The following ALK variants were observed in gnomAD, a reference collection of about 807,000 sequenced individuals.
ALK encodes ALK tyrosine kinase receptor.
Under a neutral mutation model 163.1 loss-of-function variants are expected in ALK, and 74 were observed. The ratio of observed to expected loss-of-function variants is 0.45; its 90% CI spans 0.38 to 0.55. The LOEUF is 0.55. ALK is among the 20% of genes least tolerant of loss of function. The pLI is 0.00. For synonymous variants in ALK, 960 were observed against 843.2 expected (o/e 1.14, Z -2.40); for missense variants, 2,063 against 2,105.3 (o/e 0.98, Z 0.39).
intron 1 of ALK, among the ~76,000 whole-genome samples, chr2:29,817,028 C>T (rs1470896896): frequency 6.6e-6 from 1 of 152,026 alleles, no homozygotes; most frequent in Non-Finnish European, 1.5e-5. Context: ...CACAACAACC[C>T]TAGGAGGTAG....
At chr2:29,196,279 TTGA>T in intron 28 of ALK, among the ~76,000 whole-genome samples, 1 of 152,372 alleles carries the variant, frequency 6.6e-6, no homozygotes, top group Non-Finnish European at 1.5e-5. Flanking sequence ...GCAAGTATTA[TTGA>T]TGATGTTAAA....
rs192439704 is a variant in ALK at position 29,786,997 on chromosome 2, A to G, written c.668-69300T>C. ...TTTTTAGTAAAGACAGGGTTTCACCATGTTAGCCAGGATGGTCTCGATCTC... is the reference window on the plus strand; with the variant it reads ...TTTTTAGTAAAGACAGGGTTTCACCGTGTTAGCCAGGATGGTCTCGATCTC... On this transcript the variant is annotated intron_variant, in intron 1 of 28. Transcript: ENST00000389048. Among the ~76,000 whole-genome samples, 141 of 152,234 alleles carry G rather than the reference A, an allele frequency of 9.3e-4. No homozygotes were observed. The Middle Eastern group carries it at 0.027, about 29-fold the overall frequency.
chr2:29,328,680 C>G (rs948941108), intron 5 of ALK, among the ~76,000 whole-genome samples, 199 bp from the exon 6 acceptor site: 1 of 152,220 alleles, frequency 6.6e-6, no homozygotes, highest in Non-Finnish European at 1.5e-5. Context: ...GGGGTCAAAA[C>G]CCCTCACGCT....
chr2:29,466,441 A>C (rs1406355227), intron 4 of ALK, among the ~76,000 whole-genome samples: 1 of 152,182 alleles, frequency 6.6e-6, no homozygotes, highest in African/African-American at 2.4e-5. Flanking sequence ...TATGCACAAT[A>C]ATTTTCAAAC....
chr2:29,692,564 T>A (rs1320605900), intron 3 of ALK, among the ~76,000 whole-genome samples: 1 of 152,238 alleles, frequency 6.6e-6, no homozygotes, highest in Non-Finnish European at 1.5e-5. Context: ...CACAATACGA[T>A]TCACGTTTTT....
At chr2:29,580,126 T>C (rs548817191) in intron 3 of ALK, among the ~76,000 whole-genome samples, 481 of 152,272 alleles carry the variant, frequency 3.2e-3, no homozygotes, top group Middle Eastern at 6.8e-3. Context: ...GTCGGTTTTA[T>C]GCATATGTCC....
At chr2:29,579,283 G>A (rs768614639) in intron 3 of ALK, among the ~76,000 whole-genome samples, 5 of 152,168 alleles carry the variant, frequency 3.3e-5, no homozygotes, top group Admixed American at 1.3e-4. Context: ...CAGCTTTAGC[G>A]TTCCAGGCTC....
At chr2:29,762,686 T>C (rs950342016) in intron 1 of ALK, among the ~76,000 whole-genome samples, 1 of 152,202 alleles carries the variant, frequency 6.6e-6, no homozygotes, top group Non-Finnish European at 1.5e-5. Flanking sequence ...GAAATGAGGA[T>C]AAGGGAAGCT....
Position 29,733,062 on chromosome 2 carries a change from C to T in ALK, c.668-15365G>A, listed in dbSNP as rs187961597. On this transcript the variant is annotated intron_variant, in intron 1 of 28. Coordinates refer to ENST00000389048, the MANE Select transcript of ALK (RefSeq NM_004304.5). Reference sequence around the variant, plus strand: ...AGCCTTCCAGGGGGTTGGAAGGAGGCTAGGAAATAAGTAGAAGGAAATCCA... The same window carrying T: ...AGCCTTCCAGGGGGTTGGAAGGAGGTTAGGAAATAAGTAGAAGGAAATCCA... Among the ~76,000 whole-genome samples the T allele has an allele frequency of 1.2e-4, 18 of 151,940 alleles. No homozygotes were observed. The East Asian group carries it at 2.7e-3, about 23-fold the overall frequency.
chr2:29,542,192 A>C (rs899895947), intron 3 of ALK, among the ~76,000 whole-genome samples: 8 of 152,040 alleles, frequency 5.3e-5, no homozygotes, highest in African/African-American at 1.9e-4. Flanking sequence ...GTCCCCACAG[A>C]ATCAGTTTTT....
intron 12 of ALK, among the ~76,000 whole-genome samples, chr2:29,245,904 G>T (rs1664657844): frequency 6.6e-6 from 1 of 152,258 alleles, no homozygotes; most frequent in South Asian, 2.1e-4. Flanking sequence ...TTGTGGAGTT[G>T]AATGATGGCG....
chr2:29,683,709 C>T (rs906820657), intron 3 of ALK, among the ~76,000 whole-genome samples: 1 of 152,160 alleles, frequency 6.6e-6, no homozygotes, highest in Non-Finnish European at 1.5e-5. Flanking sequence ...AACCCACCCC[C>T]CATTCCCAGA....
chr2:29,310,423 C>T (rs1284735511), intron 8 of ALK, among the ~76,000 whole-genome samples: 2 of 152,162 alleles, frequency 1.3e-5, no homozygotes, highest in Non-Finnish European at 2.9e-5. Flanking sequence ...TCCCTTCCTC[C>T]AGCACTGGAC....
intron 1 of ALK, among the ~76,000 whole-genome samples, chr2:29,833,809 C>A (rs1351729926): frequency 6.6e-6 from 1 of 152,224 alleles, no homozygotes; most frequent in Non-Finnish European, 1.5e-5. Flanking sequence ...TGCAGCATCT[C>A]CTTTCTTGAA....
intron 9 of ALK, among the ~76,000 whole-genome samples, chr2:29,293,859 T>C (rs922486719): frequency 6.9e-4 from 18 of 25,962 alleles, no homozygotes; most frequent in African/African-American, 1.1e-3. Flanking sequence ...TACCGTTGAC[T>C]AGAGCCTGGA....
intron 7 of ALK, 104 bp from the exon 8 acceptor site, chr2:29,318,508 A>G: frequency 2.5e-6 from 2 of 805,326 alleles, no homozygotes; most frequent in Non-Finnish European, 4.3e-6. Context: ...GCCTAGGGAT[A>G]TCTTTGAGGA....
At chr2:29,483,323 C>T (rs936582255) in intron 4 of ALK, among the ~76,000 whole-genome samples, 2 of 152,236 alleles carry the variant, frequency 1.3e-5, no homozygotes, top group African/African-American at 4.8e-5. Flanking sequence ...ACCAGAATCT[C>T]TGGGGATAGG....
At chr2:29,821,954 TA>T (rs1665060334) in intron 1 of ALK, among the ~76,000 whole-genome samples, 1 of 152,144 alleles carries the variant, frequency 6.6e-6, no homozygotes, top group South Asian at 2.1e-4. Flanking sequence ...CCTTCCTACC[TA>T]TTAGAAAGGA....
intron 1 of ALK, among the ~76,000 whole-genome samples, chr2:29,794,965 T>G (rs927747985): frequency 6.6e-6 from 1 of 152,142 alleles, no homozygotes; most frequent in Non-Finnish European, 1.5e-5. Context: ...TTGTGAAAGT[T>G]GTGATATCTG....
Sources: gnomAD v4.1 joint callset for allele counts (sites outside exome capture counted in the v4.1 genomes callset) on GRCh38, gnomAD v4.1.1 for gene constraint, MANE v1.5 for transcripts, NCBI Gene and HGNC (gene_info 2026-07-23, HGNC 2026-07-21) for gene names.